The following INSR variants were observed in gnomAD, a reference collection of about 807,000 sequenced individuals.
INSR encodes the protein insulin receptor, also known as IR.
INSR carries 67 observed loss-of-function variants against 142.6 expected under a neutral mutation model. That is an observed-to-expected ratio of 0.47 (90% CI 0.39 to 0.58). The LOEUF is 0.58. Ranked by LOEUF, INSR falls within the 20% of genes least tolerant of loss-of-function variation. The probability of loss-of-function intolerance (pLI) is 0.00; values close to 1 mark genes in which losing one functional copy is unlikely to be tolerated. For synonymous variants in INSR, 756 were observed against 743.1 expected (o/e 1.02, Z -0.28); for missense variants, 1,248 against 1,833.2 (o/e 0.68, Z 5.83).
At chr19:7,137,456 C>T (rs564171479) in intron 13 of INSR, among the ~76,000 whole-genome samples, 170 of 152,020 alleles carry the variant, frequency 1.1e-3, no homozygotes, top group African/African-American at 4.0e-3. Context: ...GGTGGACAAC[C>T]AGGGGCTACT....
In INSR at chr19:7,267,549, T is replaced by C; in HGVS notation, c.448A>G (p.Asn150Asp). Residue 150 changes from asparagine (N) to aspartate (D), a missense_variant, in exon 2 of 22, where the codon AAT becomes GAT. By Grantham distance (23) the Asn-to-Asp change is conservative (BLOSUM62 1). Around this residue, in one of 3 missense-constraint regions of INSR, gnomAD observed 1,069 missense variants for 1,654.0 expected, o/e 0.65. Coordinates refer to ENST00000302850, the MANE Select transcript of INSR (RefSeq NM_000208.4). The surrounding 1 kb of genome is among the most constrained non-coding windows in gnomAD (Gnocchi z 6.3). ...TRGSVRIEKN[N>D]ELCYLATIDW... ...ATAGTGGCCAAGTAACAGAGCTCAT[T>C]GTTCTTCTCGATGCGGACAGAACCC... is the stretch of plus-strand genomic sequence containing the variant. The C allele has an allele frequency of 1.2e-6, 2 of 1,614,136 alleles. No homozygotes were observed. The highest frequency in any genetic ancestry group is 1.7e-6 in the Non-Finnish European group (2 of 1,180,038).
rs1242522569 is a variant in INSR at position 7,125,674 on chromosome 19, T to C, written c.3014-147A>G. On this transcript the variant is annotated intron_variant, in intron 16 of 21. Coordinates refer to ENST00000302850, the MANE Select transcript of INSR (RefSeq NM_000208.4). The surrounding 1 kb of genome is among the most constrained non-coding windows in gnomAD (Gnocchi z 4.9). ...GGACCCATGCCGGGCACTGGGCATATGGCCGAGAACAGGACAGGCATCTGC... is the reference window on the plus strand; with the variant it reads ...GGACCCATGCCGGGCACTGGGCATACGGCCGAGAACAGGACAGGCATCTGC... 7 of 1,089,708 alleles carry C rather than the reference T, an allele frequency of 6.4e-6. No individual in the cohort carries two copies. Among genetic ancestry groups the C allele is most frequent in the African/African-American group, 4.6e-5 (3 of 64,594 alleles). 67.5% of individuals were successfully genotyped at this position (1,089,708 alleles called of 1,614,324 possible). A position where few individuals can be genotyped will look rare whatever the true frequency, so the allele number is the denominator to read the frequency against.
chr19:7,265,629 G>T (rs1176207810), intron 2 of INSR, among the ~76,000 whole-genome samples: 2 of 151,862 alleles, frequency 1.3e-5, no homozygotes, highest in African/African-American at 2.4e-5. Context: ...CAGCTACTTG[G>T]GAGGCTGGGG....
In INSR at chr19:7,182,354, CA is replaced by C. The variant is rs1374856724; in HGVS notation, c.974+1961del. 2.0e-5 allele frequency among the ~76,000 whole-genome samples: 3 copies of C among 150,254 alleles called. No homozygotes were observed. The East Asian group carries it at 5.9e-4, about 29-fold the overall frequency. Reference sequence around the variant, plus strand: ...CATCTCAAAAAAACAAAAGCACAAACAAAAAAAAATTGGCCAGGCTTGCTGC... The same window carrying C: ...CATCTCAAAAAAACAAAAGCACAAACAAAAAAAATTGGCCAGGCTTGCTGC... On this transcript the variant is annotated intron_variant, in intron 3 of 21. Coordinates refer to ENST00000302850, the MANE Select transcript of INSR (RefSeq NM_000208.4).
At chr19:7,245,202 C>T (rs1452800343) in intron 2 of INSR, among the ~76,000 whole-genome samples, 1 of 152,012 alleles carries the variant, frequency 6.6e-6, no homozygotes, top group Non-Finnish European at 1.5e-5. Context: ...TCCCCAAGTG[C>T]TGGGATTACA....
intron 2 of INSR, among the ~76,000 whole-genome samples, chr19:7,237,827 T>C (rs1298159887): frequency 6.9e-6 from 1 of 145,440 alleles, no homozygotes; most frequent in African/African-American, 2.7e-5. Flanking sequence ...AAAAAATAAA[T>C]AAATAAAATT....
chr19:7,285,455 A>AAAAT (rs755980140), intron 1 of INSR, among the ~76,000 whole-genome samples: 92 of 152,084 alleles, frequency 6.0e-4, no homozygotes, highest in Middle Eastern at 3.4e-3. Context: ...CTCCGTCTCA[A>AAAAT]AAATAAATAA....
intron 2 of INSR, among the ~76,000 whole-genome samples, chr19:7,252,860 A>T (rs937996875): frequency 6.6e-6 from 1 of 151,996 alleles, no homozygotes; most frequent in Non-Finnish European, 1.5e-5. Context: ...TCACGCCTGT[A>T]ATCCCAGCAC....
At position 7,128,830 on chromosome 19, in the gene INSR, CCACTGAACT is replaced by C; in HGVS notation, c.2945+13_2945+21del. ...CAGAGAACCAACTGTTCCCAGCACA[CCACTGAACT>C]CACTGAACTCACCTCTTTCTCAGGA... On this transcript the variant is annotated intron_variant, in intron 15 of 21. Transcript: ENST00000302850. 1 of 1,518,958 alleles carries C rather than the reference CCACTGAACT, an allele frequency of 6.6e-7. No individual in the cohort carries two copies. Among genetic ancestry groups the C allele is most frequent in the Non-Finnish European group, 9.1e-7 (1 of 1,093,532 alleles). The allele number at this position is 1,518,958 out of a possible 1,614,324, so 94.1% of individuals were successfully genotyped here. A position where few individuals can be genotyped will look rare whatever the true frequency, so the allele number is the denominator to read the frequency against.
chr19:7,149,695 G>A (rs1350947674), intron 11 of INSR, among the ~76,000 whole-genome samples: 2 of 152,018 alleles, frequency 1.3e-5, no homozygotes, highest in Non-Finnish European at 2.9e-5. Flanking sequence ...GGTGGCGCAT[G>A]CCTGTAATCC....
rs867527884 is a variant in INSR at position 7,184,076 on chromosome 19, G to A, written c.974+240C>T. 0.032 allele frequency among the ~76,000 whole-genome samples: 3,203 copies of A among 100,978 alleles called. 17 individuals are homozygous for A. Among genetic ancestry groups the A allele is most frequent in the African/African-American group, 0.037 (891 of 24,106 alleles). 66.2% of individuals were successfully genotyped at this position (100,978 alleles called of 152,430 possible). A position where few individuals can be genotyped will look rare whatever the true frequency, so the allele number is the denominator to read the frequency against. On this transcript the variant is annotated intron_variant, in intron 3 of 21. Coordinates refer to ENST00000302850, the MANE Select transcript of INSR (RefSeq NM_000208.4). ...ACTCCATCTCAAAAAAAAAAAAAAA[G>A]AATGGTGGGCACAATGCCAGAAGTA...
Position 7,174,632 on chromosome 19 carries a change from T to C in INSR, c.1074A>G (p.Arg358=). The change falls in exon 4 of 22, where the codon CGA becomes CGG. Residue 358 remains arginine (R), a synonymous_variant. Transcript: ENST00000302850. ...IDSVTSAQEL[R]GCTVINGSLI... ...GACTCCCGTTGATGACGGTGCATCC[T>C]CGGAGCTCCTGGGCAGACGTCACCG... The C allele has an allele frequency of 6.2e-7, 1 of 1,613,958 alleles. No homozygotes were observed. Among genetic ancestry groups the C allele is most frequent in the African/African-American group, 1.3e-5 (1 of 74,976 alleles).
chr19:7,137,050 C>T (rs73498772), intron 13 of INSR, among the ~76,000 whole-genome samples: 6,585 of 151,896 alleles, frequency 0.043, 371 homozygotes, highest in African/African-American at 0.13. Flanking sequence ...CCAGGCTGGT[C>T]TTGAACCCTG....
chr19:7,156,026 G>A (rs1973582121), intron 9 of INSR, among the ~76,000 whole-genome samples: 1 of 150,796 alleles, frequency 6.6e-6, no homozygotes, highest in African/African-American at 2.4e-5. Context: ...AAGATGGGAG[G>A]GCAGAGTAGA....
chr19:7,152,386 A>C, intron 10 of INSR: 1 of 339,258 alleles, frequency 2.9e-6, no homozygotes. Context: ...GTCAAAAAAA[A>C]AAAAAAAAGA....
At chr19:7,182,629 G>A (rs571480964) in intron 3 of INSR, among the ~76,000 whole-genome samples, 1 of 152,214 alleles carries the variant, frequency 6.6e-6, no homozygotes, top group Non-Finnish European at 1.5e-5. Context: ...CTTCCGTTCA[G>A]GAAAGGTCCC....
chr19:7,198,222 C>A (rs1335591426), intron 2 of INSR, among the ~76,000 whole-genome samples: 1 of 151,358 alleles, frequency 6.6e-6, no homozygotes, highest in Non-Finnish European at 1.5e-5. Context: ...GCCGCCCTCG[C>A]GCTCAGCCAA....
In INSR at chr19:7,268,709, G is replaced by A. The variant is rs375045373; in HGVS notation, c.101-813C>T. ...CAGTGCCTGAGACATAGTAAGTGCT[G>A]CACTAATGTCAGCTATTTTGTTGTT... is the stretch of plus-strand genomic sequence containing the variant. On this transcript the variant is annotated intron_variant, in intron 1 of 21. Coordinates refer to ENST00000302850, the MANE Select transcript of INSR (RefSeq NM_000208.4). 1.9e-5 allele frequency: 10 copies of A among 516,424 alleles called. No homozygotes were observed. In the African/African-American group the frequency reaches 2.1e-4, roughly 11 times the overall value. The allele number at this position is 516,424 out of a possible 1,614,324, so 32.0% of individuals were successfully genotyped here.
chr19:7,289,111 G>T (rs145779672), intron 1 of INSR, among the ~76,000 whole-genome samples: 182 of 152,228 alleles, frequency 1.2e-3, no homozygotes, highest in African/African-American at 3.8e-3. Flanking sequence ...CTTCCAGGAG[G>T]GGGGACTGGC....
Sources: gnomAD v4.1 joint callset for allele counts (sites outside exome capture counted in the v4.1 genomes callset) on GRCh38, gnomAD v4.1.1 for gene constraint, gnomAD v4.1.1 regional missense constraint, Gnocchi (gnomAD v3.1) non-coding constraint, MANE v1.5 for transcripts, NCBI Gene and HGNC (gene_info 2026-07-23, HGNC 2026-07-21) for gene names.